The following CTNNA1 variants were observed in gnomAD, a reference collection of about 807,000 sequenced individuals.
CTNNA1 encodes catenin alpha-1.
In CTNNA1, 37 loss-of-function variants were observed where a neutral mutation model predicts 98.4. The observed-to-expected ratio is 0.38, with a 90% CI of 0.29 to 0.49. The LOEUF (loss-of-function observed/expected upper bound fraction) is 0.49. Ranked by LOEUF, CTNNA1 falls within the 20% of genes least tolerant of loss-of-function variation. The pLI is 0.95. For synonymous variants in CTNNA1, 404 were observed against 413.2 expected, an observed-to-expected ratio of 0.98 and a Z score of 0.27; for missense variants, 761 against 1,147.2, an observed-to-expected ratio of 0.66 and a Z score of 4.86.
chr5:138,830,504 C>T (rs373783373), intron 7 of CTNNA1, among the ~76,000 whole-genome samples: 1 of 152,268 alleles, frequency 6.6e-6, no homozygotes, highest in East Asian at 1.9e-4. Context: ...CAGGCTTGGT[C>T]CTGTCAAAAA....
chr5:138,776,159 G>T (rs1371559039), intron 1 of CTNNA1, among the ~76,000 whole-genome samples: 3 of 150,732 alleles, frequency 2.0e-5, no homozygotes, highest in Non-Finnish European at 4.4e-5. Flanking sequence ...GTGAACAAAG[G>T]TCTCTGGTTT....
chr5:138,847,349 A>T (rs975893390), intron 7 of CTNNA1, among the ~76,000 whole-genome samples: 1 of 151,426 alleles, frequency 6.6e-6, no homozygotes, highest in Non-Finnish European at 1.5e-5. Context: ...GTTTTTTTAG[A>T]GATAGGGGTC....
chr5:138,863,392 C>T (rs902879701), intron 7 of CTNNA1, among the ~76,000 whole-genome samples: 4 of 152,042 alleles, frequency 2.6e-5, no homozygotes, highest in Admixed American at 2.6e-4. Flanking sequence ...AGTGTCACTA[C>T]ACCTGGCTAA....
At chr5:138,844,225 G>C (rs1166771496) in intron 7 of CTNNA1, among the ~76,000 whole-genome samples, 1 of 151,986 alleles carries the variant, frequency 6.6e-6, no homozygotes, top group African/African-American at 2.4e-5. Context: ...CACATTCCTG[G>C]ACTCAAGCGA....
At chr5:138,788,296 A>G (rs557692626) in intron 3 of CTNNA1, among the ~76,000 whole-genome samples, 146 of 152,308 alleles carry the variant, frequency 9.6e-4, no homozygotes, top group Non-Finnish European at 8.8e-5. Flanking sequence ...TTTGAGTAAG[A>G]TAATTGATTA....
chr5:138,807,152 A>G (rs1486865982), intron 3 of CTNNA1, among the ~76,000 whole-genome samples: 1 of 151,736 alleles, frequency 6.6e-6, no homozygotes, highest in Non-Finnish European at 1.5e-5. Flanking sequence ...CTGGGATTAC[A>G]GGCACCTGCC....
intron 1 of CTNNA1, among the ~76,000 whole-genome samples, chr5:138,777,723 C>T (rs1370473002): frequency 7.3e-5 from 11 of 151,186 alleles, no homozygotes; most frequent in South Asian, 2.1e-4. Context: ...TCAGGCATGG[C>T]GGTGCGCGCC....
intron 7 of CTNNA1, among the ~76,000 whole-genome samples, chr5:138,880,440 A>G (rs1209778512): frequency 6.6e-6 from 1 of 152,194 alleles, no homozygotes; most frequent in Non-Finnish European, 1.5e-5. Flanking sequence ...TGCCCAGACC[A>G]TCTTGAAGTA....
intron 1 of CTNNA1, among the ~76,000 whole-genome samples, chr5:138,768,322 C>T (rs825676): frequency 1.8e-4 from 28 of 151,846 alleles, no homozygotes; most frequent in Non-Finnish European, 2.9e-4. Flanking sequence ...TGCAGTGGTG[C>T]GATCTCGGCT....
chr5:138,844,490 T>A (rs1382956095), intron 7 of CTNNA1, among the ~76,000 whole-genome samples: 1 of 152,208 alleles, frequency 6.6e-6, no homozygotes, highest in Non-Finnish European at 1.5e-5. Flanking sequence ...TTCCTATGCT[T>A]GAGAATTTGC....
intron 8 of CTNNA1, 139 bp downstream of exon 8, chr5:138,886,431 T>C: frequency 1.2e-6 from 1 of 867,978 alleles, no homozygotes; most frequent in Non-Finnish European, 1.7e-6. Context: ...TATCTTTGTT[T>C]TGTTGCTAAT....
chr5:138,885,183 TAGTA>T (rs1753766924), intron 7 of CTNNA1, among the ~76,000 whole-genome samples: 1 of 152,144 alleles, frequency 6.6e-6, no homozygotes, highest in Non-Finnish European at 1.5e-5. Context: ...TAAAGGCACT[TAGTA>T]AACAGATCTC....
intron 7 of CTNNA1, among the ~76,000 whole-genome samples, chr5:138,885,951 A>G (rs1753933910): frequency 1.3e-5 from 2 of 152,176 alleles, no homozygotes; most frequent in South Asian, 4.1e-4. Flanking sequence ...CTTTAAGCAA[A>G]GCTCTTTGTC....
chr5:138,914,096 A>G (rs1761245917), intron 10 of CTNNA1, among the ~76,000 whole-genome samples: 1 of 152,214 alleles, frequency 6.6e-6, no homozygotes, highest in Non-Finnish European at 1.5e-5. Flanking sequence ...TTTGTACACA[A>G]TTTTGTAATC....
chr5:138,853,611 A>G (rs182055331), intron 7 of CTNNA1, among the ~76,000 whole-genome samples: 1 of 152,264 alleles, frequency 6.6e-6, no homozygotes, highest in African/African-American at 2.4e-5. Flanking sequence ...CACTTAGATT[A>G]CTTACATGCA....
chr5:138,759,248 C>T (rs896563856), intron 1 of CTNNA1, among the ~76,000 whole-genome samples: 2 of 152,180 alleles, frequency 1.3e-5, no homozygotes, highest in East Asian at 1.9e-4. Context: ...AAATTGGACT[C>T]TTCTCATTCC....
intron 6 of CTNNA1, among the ~76,000 whole-genome samples, chr5:138,826,511 T>C (rs1760736789): frequency 6.6e-6 from 1 of 151,800 alleles, no homozygotes; most frequent in South Asian, 2.1e-4. Context: ...AAGCTGGATG[T>C]AAGTGGAGTC....
intron 7 of CTNNA1, among the ~76,000 whole-genome samples, chr5:138,883,587 TC>T (rs1175275853): frequency 6.6e-6 from 1 of 152,216 alleles, no homozygotes; most frequent in African/African-American, 2.4e-5. Context: ...GAACAGTAAA[TC>T]TTTTTACTCA....
chr5:138,765,946 T>TAAAA (rs1752885102), intron 1 of CTNNA1, among the ~76,000 whole-genome samples: 1 of 70,560 alleles, frequency 1.4e-5, no homozygotes. Flanking sequence ...AGACTCTGTC[T>TAAAA]CAAAAAAAAA....
Sources: allele counts gnomAD v4.1 joint callset (sites outside exome capture counted in the v4.1 genomes callset), GRCh38; gene constraint gnomAD v4.1.1; transcripts MANE v1.5; gene names NCBI Gene and HGNC (gene_info 2026-07-23, HGNC 2026-07-21).